The following CDK8 variants were observed in gnomAD, a reference collection of about 807,000 sequenced individuals.
CDK8 encodes the protein cyclin dependent kinase 8.
A neutral mutation model predicts 71.5 loss-of-function variants in CDK8; 29 were observed. That is an observed-to-expected ratio of 0.41 (90% CI 0.30 to 0.55). The LOEUF is 0.55. Among genes scored for constraint, CDK8 ranks in the 20% least tolerant of loss-of-function variants. The pLI, the probability that CDK8 is intolerant of heterozygous loss-of-function variation, is 0.37. For missense variants in CDK8, 288 were observed against 572.6 expected (o/e 0.50, Z 5.07); for synonymous variants, 161 against 192.1 (o/e 0.84, Z 1.34).
In CDK8 at chr13:26,336,299, C is replaced by G. The variant is rs551248231; in HGVS notation, c.129-1268C>G. Among the ~76,000 whole-genome samples, 19 of 152,226 alleles carry G rather than the reference C, an allele frequency of 1.2e-4. No homozygotes were observed. The East Asian group carries it at 3.3e-3, about 26-fold the overall frequency. ...TTTTCATTCTCATTCTAATGAGTGC[C>G]TAGTGGATTTCTTTCAGAGATGATC... On this transcript the variant is annotated intron_variant, in intron 1 of 12. Transcript: ENST00000381527.
intron 1 of CDK8, among the ~76,000 whole-genome samples, chr13:26,329,817 A>G (rs574410811): frequency 2.6e-5 from 4 of 151,962 alleles, no homozygotes; most frequent in African/African-American, 9.6e-5. Flanking sequence ...TATTTCTAAA[A>G]TCTCATCTGT....
intron 1 of CDK8, among the ~76,000 whole-genome samples, chr13:26,301,593 TAGAGTTTA>T (rs1194201924): frequency 2.0e-5 from 3 of 152,178 alleles, no homozygotes; most frequent in Non-Finnish European, 2.9e-5. Context: ...GTAACATTGG[TAGAGTTTA>T]AAGTTGACGT....
chr13:26,258,289 A>G (rs898781784), intron 1 of CDK8, among the ~76,000 whole-genome samples: 9 of 152,308 alleles, frequency 5.9e-5, no homozygotes, highest in Admixed American at 5.9e-4. Context: ...ATAAGTAAAA[A>G]AATAGTTATG....
intron 1 of CDK8, among the ~76,000 whole-genome samples, chr13:26,296,618 T>G (rs811086): frequency 0.83 from 126,222 of 152,092 alleles, 54,046 homozygotes; most frequent in East Asian, 0.99. Flanking sequence ...AGTTTGCAAG[T>G]AGTAGCTAGT....
Position 26,314,802 on chromosome 13 carries a change from G to A in CDK8, c.129-22765G>A, listed in dbSNP as rs1041666949. On this transcript the variant is annotated intron_variant, in intron 1 of 12. Transcript: ENST00000381527. ...GATCTTTTCTCCATATGTTTATACAGGACAAATTTTATAGGTGCTTAATTA... is the reference window on the plus strand; with the variant it reads ...GATCTTTTCTCCATATGTTTATACAAGACAAATTTTATAGGTGCTTAATTA... Among the ~76,000 whole-genome samples the A allele has an allele frequency of 1.1e-4, 17 of 152,174 alleles. No individual in the cohort carries two copies. In the East Asian group the frequency reaches 2.3e-3, roughly 21 times the overall value.
intron 1 of CDK8, among the ~76,000 whole-genome samples, chr13:26,289,040 A>T (rs1176419177): frequency 1.4e-5 from 2 of 140,806 alleles, no homozygotes; most frequent in African/African-American, 5.4e-5. Context: ...CATCCAGACT[A>T]AGCTTCTGTA....
intron 4 of CDK8, among the ~76,000 whole-genome samples, chr13:26,363,139 G>A (rs2138014770): frequency 6.7e-6 from 1 of 149,996 alleles, no homozygotes; most frequent in Middle Eastern, 3.4e-3. Context: ...GGCTAACACG[G>A]TGAAACCCCA....
intron 1 of CDK8, among the ~76,000 whole-genome samples, chr13:26,335,778 C>A (rs1872952194): frequency 6.6e-6 from 1 of 152,128 alleles, no homozygotes; most frequent in Non-Finnish European, 1.5e-5. Flanking sequence ...CAATAGCCAT[C>A]ATCATCTCTC....
At chr13:26,339,756 AAT>A (rs1555231155) in intron 2 of CDK8, among the ~76,000 whole-genome samples, 10 of 142,984 alleles carry the variant, frequency 7.0e-5, no homozygotes, top group African/African-American at 2.6e-4. Context: ...TTAAAAAAAA[AAT>A]ATATATATAT....
chr13:26,400,143 T>G (rs2138073344), intron 9 of CDK8: 1 of 244,326 alleles, frequency 4.1e-6, no homozygotes. Context: ...AGAAAAAGAA[T>G]AGAAAATACA....
At chr13:26,319,410 A>G (rs1374407478) in intron 1 of CDK8, among the ~76,000 whole-genome samples, 4 of 151,994 alleles carry the variant, frequency 2.6e-5, no homozygotes, top group Admixed American at 2.0e-4. Context: ...CGGAGGTTGC[A>G]GTGAGCCAAG....
intron 2 of CDK8, among the ~76,000 whole-genome samples, chr13:26,340,460 A>G (rs1319000310): frequency 2.0e-5 from 3 of 152,162 alleles, no homozygotes; most frequent in Admixed American, 6.5e-5. Flanking sequence ...GTATAAATAA[A>G]TTAAGTTTGT....
At chr13:26,325,412 A>C (rs1874972679) in intron 1 of CDK8, among the ~76,000 whole-genome samples, 1 of 152,186 alleles carries the variant, frequency 6.6e-6, no homozygotes. Flanking sequence ...ATTTGCTTTG[A>C]TGCATTGTAA....
chr13:26,317,965 T>G (rs1874590823), intron 1 of CDK8, among the ~76,000 whole-genome samples: 1 of 151,488 alleles, frequency 6.6e-6, no homozygotes, highest in African/African-American at 2.4e-5. Flanking sequence ...GAATAAAATA[T>G]ATAGCGAAAA....
chr13:26,288,031 C>T (rs967581397), intron 1 of CDK8, among the ~76,000 whole-genome samples: 27 of 151,700 alleles, frequency 1.8e-4, no homozygotes, highest in African/African-American at 2.2e-4. Flanking sequence ...GGTGTGATCT[C>T]GGCTCACTGC....
chr13:26,366,718 A>C (rs1874405314), intron 4 of CDK8, among the ~76,000 whole-genome samples: 1 of 152,204 alleles, frequency 6.6e-6, no homozygotes, highest in African/African-American at 2.4e-5. Context: ...CAGTCTTTTC[A>C]GATCACAGAC....
chr13:26,404,897 A>G lies in CDK8; in HGVS notation c.*816A>G, dbSNP rs1049297151. On this transcript the variant is annotated 3_prime_UTR_variant, in exon 13 of 13. Transcript: ENST00000381527. The stretch of plus-strand genomic sequence containing the variant: ...GTTGCTGATTTGTGAGCATGCTTTA[A>G]GATGAAAAAAGCATGAATGATAACT... 11 of 211,288 alleles carry G rather than the reference A, an allele frequency of 5.2e-5. No individual in the cohort carries two copies. The highest frequency in any genetic ancestry group is 9.6e-5 in the Non-Finnish European group (10 of 104,352). 13.1% of individuals were successfully genotyped at this position (211,288 alleles called of 1,614,324 possible).
intron 4 of CDK8, among the ~76,000 whole-genome samples, chr13:26,361,783 C>CTTTTTTTTTTTTTTTTTTTTTT (rs1201582663): frequency 8.9e-6 from 1 of 112,226 alleles, no homozygotes; most frequent in Non-Finnish European, 1.7e-5. Flanking sequence ...TTTTCTTTTC[C>CTTTTTTTTTTTTTTTTTTTTTT]CTTTTTTTTT....
chr13:26,368,299 T>G (rs1455022440), intron 4 of CDK8, among the ~76,000 whole-genome samples: 1 of 152,220 alleles, frequency 6.6e-6, no homozygotes, highest in African/African-American at 2.4e-5. Flanking sequence ...TTGTGTTTGT[T>G]TGATCTAATA....
Sources: allele counts gnomAD v4.1 joint callset (sites outside exome capture counted in the v4.1 genomes callset), GRCh38; gene constraint gnomAD v4.1.1; transcripts MANE v1.5; gene names NCBI Gene and HGNC (gene_info 2026-07-23, HGNC 2026-07-21).